The following PAPLN variants were observed in gnomAD, a reference collection of about 807,000 sequenced individuals.
The protein encoded by PAPLN is papilin, proteoglycan like sulfated glycoprotein, also known as papilin.
A neutral mutation model predicts 159.0 loss-of-function variants in PAPLN; 146 were observed. That is an observed-to-expected ratio of 0.92 (90% confidence interval 0.80 to 1.05). The LOEUF is 1.05. Among genes scored for constraint, PAPLN ranks in the 50% least tolerant of loss-of-function variants. The probability of loss-of-function intolerance (pLI) is 0.00; values close to 1 mark genes in which losing one functional copy is unlikely to be tolerated. For synonymous variants in PAPLN, 734 were observed against 702.9 expected (o/e 1.04, Z -0.70); for missense variants, 1,720 against 1,743.9 (o/e 0.99, Z 0.24).
rs545979795 is a variant in PAPLN, at chr14:73,263,669, C to G, written c.2748C>G (p.Pro916=). The change falls in exon 20 of 27, where the codon CCC becomes CCG. Residue 916 remains proline, a synonymous_variant. Coordinates refer to ENST00000644200, the MANE Select transcript of PAPLN (RefSeq NM_001365906.3). Reference sequence around the variant, plus strand: ...GGATTAGCTTGGCAGGTGTGGAGCCCTCGTTGGTGCAGGCAGCCCTGGGGC... The same window carrying G: ...GGATTAGCTTGGCAGGTGTGGAGCCGTCGTTGGTGCAGGCAGCCCTGGGGC... ...SYRISLAGVE[P]SLVQAALGQL... The G allele has an allele frequency of 6.2e-7, 1 of 1,613,744 alleles. No homozygotes were observed. The highest frequency in any genetic ancestry group is 8.5e-7 in the Non-Finnish European group (1 of 1,180,000).
chr14:73,268,017 C>T (rs1186890170), intron 25 of PAPLN, among the ~76,000 whole-genome samples: 1 of 152,070 alleles, frequency 6.6e-6, no homozygotes, highest in Non-Finnish European at 1.5e-5. Flanking sequence ...GCCAAGGTCA[C>T]TGCCTCTCTC....
chr14:73,247,889 CGTGTGTGTGTGTGTGT>C (rs71112721), intron 5 of PAPLN, among the ~76,000 whole-genome samples: 101 of 19,846 alleles, frequency 5.1e-3, no homozygotes, highest in African/African-American at 0.024. Flanking sequence ...TCATATCCTC[CGTGTGTGTGTGTGTGT>C]GTGTGTGTGT....
chr14:73,251,037 G>A lies in PAPLN; in HGVS notation c.589+7G>A. 6.2e-7 allele frequency: 1 copy of A among 1,608,090 alleles called. No homozygotes were observed. Among genetic ancestry groups the A allele is most frequent in the Non-Finnish European group, 8.5e-7 (1 of 1,177,292 alleles). On this transcript the variant is annotated splice_region_variant and intron_variant, in intron 7 of 26. Coordinates refer to ENST00000644200, the MANE Select transcript of PAPLN (RefSeq NM_001365906.3). ...GCTAATGACCTCAGCCGAGGTGGGG[G>A]TGGTTCCGACAAGGGGCAGTTGCCT...
chr14:73,240,402 TACTTG>T (rs767330600), intron 2 of PAPLN, among the ~76,000 whole-genome samples: 56 of 152,274 alleles, frequency 3.7e-4, no homozygotes, highest in Admixed American at 7.2e-4. Context: ...GTTTTAATTT[TACTTG>T]ACTTTAATTA....
Position 73,265,235 on chromosome 14 carries a change from C to A in PAPLN, c.3126-135C>A. On this transcript the variant is annotated intron_variant, in intron 22 of 26. Coordinates refer to ENST00000644200, the MANE Select transcript of PAPLN (RefSeq NM_001365906.3). The surrounding 1 kb of genome is among the most constrained non-coding windows in gnomAD (Gnocchi z 4.1). ...GTTATTGACCATTTCCTAACCAGAACAAGGCAGGGGATTTTAGGAAGCTGA... is the reference window on the plus strand; with the variant it reads ...GTTATTGACCATTTCCTAACCAGAAAAAGGCAGGGGATTTTAGGAAGCTGA... 1 of 1,402,382 alleles carries A rather than the reference C, an allele frequency of 7.1e-7. No homozygotes were observed. Among genetic ancestry groups the A allele is most frequent in the Admixed American group, 2.3e-5 (1 of 43,380 alleles). The allele number at this position is 1,402,382 out of a possible 1,614,324, so 86.9% of individuals were successfully genotyped here.
rs71112722 is a variant in PAPLN, at chr14:73,248,075, C to CTGTGTGTGTG, written c.335-1886_335-1877dup. ...TGGCCCAGTGGGAGTCTCATATCCT[C>CTGTGTGTGTG]TGTGTGTGTGTGTGTGTGTGTGTGT... On this transcript the variant is annotated intron_variant, in intron 5 of 26. Coordinates refer to ENST00000644200, the MANE Select transcript of PAPLN (RefSeq NM_001365906.3). Among the ~76,000 whole-genome samples the CTGTGTGTGTG allele has an allele frequency of 1.4e-3, 62 of 45,600 alleles. 8 individuals are homozygous for CTGTGTGTGTG. Among genetic ancestry groups the CTGTGTGTGTG allele is most frequent in the African/African-American group, 8.4e-3 (54 of 6,394 alleles). The allele number at this position is 45,600 out of a possible 152,430, so 29.9% of individuals were successfully genotyped here.
chr14:73,264,013 C>A lies in PAPLN; in HGVS notation c.2862-198C>A, dbSNP rs541058736. 4 of 1,438,252 alleles carry A rather than the reference C, an allele frequency of 2.8e-6. No homozygotes were observed. In the African/African-American group the frequency reaches 6.5e-5, roughly 23 times the overall value. 89.1% of individuals were successfully genotyped at this position (1,438,252 alleles called of 1,614,324 possible). On this transcript the variant is annotated intron_variant, in intron 20 of 26. Coordinates refer to ENST00000644200, the MANE Select transcript of PAPLN (RefSeq NM_001365906.3). ...GCCCCCCGACCTCCTCTGACAGGTT[C>A]ACGTGACAGCTCCCTCCACCTCCGC...
chr14:73,252,916 A>T (rs1307025980), intron 11 of PAPLN, 141 bp downstream of exon 11: 2 of 1,399,836 alleles, frequency 1.4e-6, no homozygotes, highest in African/African-American at 2.9e-5. Flanking sequence ...GGTGTGGGAG[A>T]GGTGGCAGCT....
At chr14:73,249,807 G>A (rs177394) in intron 5 of PAPLN, 177 bp from the exon 6 acceptor site, 61,150 of 522,040 alleles carry the variant, frequency 0.12, 5,450 homozygotes, top group African/African-American at 0.34. Context: ...CCTTAGAGGT[G>A]CAACAGATTC....
upstream of PAPLN, among the ~76,000 whole-genome samples, chr14:73,236,850 GAAAGAAAGA>G: frequency 7.4e-6 from 1 of 135,282 alleles, no homozygotes; most frequent in African/African-American, 2.9e-5. Flanking sequence ...GAGGAAAGTA[GAAAGAAAGA>G]AAAGAAAGAG....
chr14:73,239,663 T>A lies in PAPLN; in HGVS notation c.-6-110T>A, dbSNP rs942015233. On this transcript the variant is annotated intron_variant, in intron 1 of 26. Transcript: ENST00000644200. ...GCGCACCCGGCTGTCCTGTTGCGGGTCTCCTGGTCACCTGTGGGCCATAGG... is the reference window on the plus strand; with the variant it reads ...GCGCACCCGGCTGTCCTGTTGCGGGACTCCTGGTCACCTGTGGGCCATAGG... 9 of 1,472,540 alleles carry A rather than the reference T, an allele frequency of 6.1e-6. No homozygotes were observed. The African/African-American group carries it at 1.3e-4, about 21-fold the overall frequency. The allele number at this position is 1,472,540 out of a possible 1,614,324, so 91.2% of individuals were successfully genotyped here. A position where few individuals can be genotyped will look rare whatever the true frequency, so the allele number is the denominator to read the frequency against.
chr14:73,247,163 G>C (rs1326249360), intron 5 of PAPLN, among the ~76,000 whole-genome samples: 1 of 152,214 alleles, frequency 6.6e-6, no homozygotes, highest in African/African-American at 2.4e-5. Flanking sequence ...TCCTGCAGGA[G>C]GGGCTGGAAG....
chr14:73,267,389 G>A (rs1887331612), intron 25 of PAPLN, among the ~76,000 whole-genome samples: 1 of 152,158 alleles, frequency 6.6e-6, no homozygotes, highest in African/African-American at 2.4e-5. Flanking sequence ...CTAGGTTCTG[G>A]GGATCCTGGG....
rs779590772 is a variant in PAPLN at position 73,255,027 on chromosome 14, A to T, written c.1627+9A>T. On this transcript the variant is annotated intron_variant, in intron 14 of 26. Coordinates refer to ENST00000644200, the MANE Select transcript of PAPLN (RefSeq NM_001365906.3). ...CTGTCATCTCCCCCAGGGTAAGGAC[A>T]GGAGGGCAGGGAGGAGTCCGGCCTC... 3 of 1,610,226 alleles carry T rather than the reference A, an allele frequency of 1.9e-6. No individual in the cohort carries two copies. Among genetic ancestry groups the T allele is most frequent in the Non-Finnish European group, 1.7e-6 (2 of 1,178,508 alleles).
intron 16 of PAPLN, among the ~76,000 whole-genome samples, chr14:73,259,897 C>A (rs930244021): frequency 6.6e-6 from 1 of 152,184 alleles, no homozygotes; most frequent in African/African-American, 2.4e-5. Flanking sequence ...GAGGGCCAAC[C>A]AACTCCTCAC....
intron 14 of PAPLN, among the ~76,000 whole-genome samples, chr14:73,256,105 AC>A (rs1885877790): frequency 6.6e-6 from 1 of 152,162 alleles, no homozygotes; most frequent in Non-Finnish European, 1.5e-5. Flanking sequence ...CTTGGGGCTC[AC>A]CAGCAGGAGA....
In PAPLN at chr14:73,265,650, G is replaced by A; in HGVS notation, c.3263+143G>A. On this transcript the variant is annotated intron_variant, in intron 23 of 26. Coordinates refer to ENST00000644200, the MANE Select transcript of PAPLN (RefSeq NM_001365906.3). This position sits in a 1 kb window ranked among gnomAD's most constrained non-coding sequence, Gnocchi z 4.1. ...CCAGGGCCTCTTGAGAGATGGAGCA[G>A]CTGGGCAAAGGGCTCCTTGGGTTGG... The A allele has an allele frequency of 1.6e-6, 2 of 1,241,134 alleles. No homozygotes were observed. The highest frequency in any genetic ancestry group is 1.1e-6 in the Non-Finnish European group (1 of 911,062). 76.9% of individuals were successfully genotyped at this position (1,241,134 alleles called of 1,614,324 possible).
At chr14:73,264,817 C>A (rs1170977852) in intron 22 of PAPLN, 91 bp downstream of exon 22, 1 of 1,566,930 alleles carries the variant, frequency 6.4e-7, no homozygotes, top group Non-Finnish European at 8.6e-7. Context: ...TCTGCTGTGA[C>A]CAGGCCTTGC....
rs201801090 is a variant in PAPLN at position 73,264,227 on chromosome 14, G to A, written c.2878G>A (p.Asp960Asn). Residue 960 changes from aspartate to asparagine, a missense_variant, in exon 21 of 27, where the codon GAC becomes AAC. Coordinates refer to ENST00000644200, the MANE Select transcript of PAPLN (RefSeq NM_001365906.3). The part of the protein sequence containing the change: ...ISSDRHRLQF[D>N]GSLIIHPLQA... ...CCCACTCAGGCACAGGCTGCAGTTCGACGGATCCCTGATCATCCACCCCCT... is the reference window on the plus strand; with the variant it reads ...CCCACTCAGGCACAGGCTGCAGTTCAACGGATCCCTGATCATCCACCCCCT... 7.8e-5 allele frequency: 126 copies of A among 1,613,860 alleles called. No individual in the cohort carries two copies. Among genetic ancestry groups the A allele is most frequent in the African/African-American group, 7.7e-4 (58 of 75,014 alleles).
Sources: allele counts gnomAD v4.1 joint callset (sites outside exome capture counted in the v4.1 genomes callset), GRCh38; gene constraint gnomAD v4.1.1; non-coding constraint Gnocchi (gnomAD v3.1); transcripts MANE v1.5; gene names NCBI Gene and HGNC (gene_info 2026-07-23, HGNC 2026-07-21).